The following GRID2 variants were observed in gnomAD, a reference collection of about 807,000 sequenced individuals.
The protein encoded by GRID2 is glutamate ionotropic receptor delta type subunit 2.
Under a neutral mutation model 114.8 loss-of-function variants are expected in GRID2, and 33 were observed. The ratio of observed to expected loss-of-function variants is 0.29; its 90% CI spans 0.22 to 0.38. The LOEUF is 0.38. Among genes scored for constraint, GRID2 ranks in the 10% least tolerant of loss-of-function variants. GRID2 has a pLI of 1.00. For synonymous variants in GRID2, 505 were observed against 449.9 expected, an observed-to-expected ratio of 1.12 and a Z score of -1.55; for missense variants, 1,184 against 1,257.7, an observed-to-expected ratio of 0.94 and a Z score of 0.89.
At chr4:93,761,202 A>G (rs1733178082) in intron 14 of GRID2, among the ~76,000 whole-genome samples, 1 of 152,232 alleles carries the variant, frequency 6.6e-6, no homozygotes, top group South Asian at 2.1e-4. Context: ...GTTAATACAT[A>G]TTAATACACT....
At chr4:93,604,692 C>A (rs994727983) in intron 13 of GRID2, among the ~76,000 whole-genome samples, 5 of 152,198 alleles carry the variant, frequency 3.3e-5, no homozygotes, top group Non-Finnish European at 7.3e-5. Context: ...AAAACTGCCA[C>A]AGACACTCCA....
chr4:93,723,391 C>T (rs1336602904), intron 14 of GRID2, among the ~76,000 whole-genome samples: 1 of 152,142 alleles, frequency 6.6e-6, no homozygotes, highest in Non-Finnish European at 1.5e-5. Context: ...CTGCATTTTA[C>T]AGACACAGGC....
chr4:92,800,267 G>A (rs1451771983), intron 2 of GRID2, among the ~76,000 whole-genome samples: 1 of 151,616 alleles, frequency 6.6e-6, no homozygotes, highest in East Asian at 2.0e-4. Context: ...GGAAATGTCA[G>A]TAACAAAGAC....
rs138781939 is a variant in GRID2 at position 92,424,637 on chromosome 4, T to C, written c.88+119893T>C. The stretch of plus-strand genomic sequence containing the variant: ...AAAATTTACAAAACCCTCAGTGTAA[T>C]GAATATGAGAAATAAAAATCTCAAC... On this transcript the variant is annotated intron_variant, in intron 1 of 15. Transcript: ENST00000282020. Among the ~76,000 whole-genome samples, 481 of 151,748 alleles carry C rather than the reference T, an allele frequency of 3.2e-3. 3 individuals are homozygous for C. Among genetic ancestry groups the C allele is most frequent in the African/African-American group, 0.011 (444 of 41,422 alleles).
intron 1 of GRID2, among the ~76,000 whole-genome samples, chr4:92,550,558 T>G (rs1444994735): frequency 6.6e-6 from 1 of 152,158 alleles, no homozygotes; most frequent in African/African-American, 2.4e-5. Flanking sequence ...TATTAATGAT[T>G]GTTTACTCTA....
chr4:93,122,432 C>T (rs970109982), intron 4 of GRID2, among the ~76,000 whole-genome samples: 2 of 152,058 alleles, frequency 1.3e-5, no homozygotes, highest in African/African-American at 4.8e-5. Context: ...TGTACTGCAT[C>T]CTATTGCTAT....
At chr4:92,425,832 C>G (rs985855197) in intron 1 of GRID2, among the ~76,000 whole-genome samples, 1 of 152,094 alleles carries the variant, frequency 6.6e-6, no homozygotes, top group Non-Finnish European at 1.5e-5. Context: ...AACTAACTTA[C>G]AAGGTGGTTA....
intron 2 of GRID2, among the ~76,000 whole-genome samples, chr4:92,992,895 G>A (rs150920962): frequency 4.0e-5 from 6 of 151,830 alleles, no homozygotes; most frequent in Non-Finnish European, 7.4e-5. Context: ...ACCTCTTTGC[G>A]TTGGAAATCT....
Position 93,455,906 on chromosome 4 carries a change from T to C in GRID2, c.1790T>C (p.Met597Thr). ...LNWLNPPRLQMGSMTSTTLYN... is the reference protein window; with the variant it reads ...LNWLNPPRLQTGSMTSTTLYN... ...TGGCTTAATCCCCCACGATTACAAA[T>C]GGGATCAATGACGTCTACTACTCTC... The change falls in exon 11 of 16, where the codon ATG becomes ACG. Residue 597 changes from methionine (M) to threonine (T), a missense_variant. Around this residue, in one of 3 missense-constraint regions of GRID2, gnomAD observed 717 missense variants for 796.9 expected, o/e 0.90. Transcript: ENST00000282020. The C allele has an allele frequency of 6.2e-7, 1 of 1,611,648 alleles. No homozygotes were observed. The highest frequency in any genetic ancestry group is 1.7e-4 in the Middle Eastern group (1 of 6,054).
intron 14 of GRID2, among the ~76,000 whole-genome samples, chr4:93,711,736 T>C (rs1728495647): frequency 6.6e-6 from 1 of 152,200 alleles, no homozygotes; most frequent in African/African-American, 2.4e-5. Flanking sequence ...AAGCACACAT[T>C]CTCCATCTGC....
chr4:92,331,458 T>C (rs1726886582), intron 1 of GRID2, among the ~76,000 whole-genome samples: 1 of 152,152 alleles, frequency 6.6e-6, no homozygotes, highest in African/African-American at 2.4e-5. Flanking sequence ...GCTGCTCCCA[T>C]GAGGAATGGC....
At chr4:92,587,228 C>T (rs981575203) in intron 1 of GRID2, among the ~76,000 whole-genome samples, 3 of 151,136 alleles carry the variant, frequency 2.0e-5, no homozygotes, top group African/African-American at 7.3e-5. Flanking sequence ...TAAAATCATG[C>T]TAATAAAAAT....
At chr4:92,740,705 TAGATA>T (rs1736841236) in intron 2 of GRID2, among the ~76,000 whole-genome samples, 1 of 78,078 alleles carries the variant, frequency 1.3e-5, no homozygotes, top group Non-Finnish European at 2.9e-5. Context: ...GATAGATAGA[TAGATA>T]GATAGATAGA....
chr4:93,734,770 T>A (rs529817783), intron 14 of GRID2, among the ~76,000 whole-genome samples: 2 of 152,100 alleles, frequency 1.3e-5, no homozygotes, highest in East Asian at 1.9e-4. Context: ...TTATTTAAAA[T>A]TTTTTAAGGC....
Position 92,345,226 on chromosome 4 carries a change from C to T in GRID2, c.88+40482C>T, listed in dbSNP as rs568197727. Among the ~76,000 whole-genome samples the T allele has an allele frequency of 9.2e-5, 14 of 152,178 alleles. No individual in the cohort carries two copies. In the East Asian group the frequency reaches 1.9e-3, roughly 21 times the overall value. On this transcript the variant is annotated intron_variant, in intron 1 of 15. Coordinates refer to ENST00000282020, the MANE Select transcript of GRID2 (RefSeq NM_001510.4). ...CATGTGATGTTTGGTTTTCCATACC[C>T]GAGCTACTTCACTTAGAATAATAGC...
intron 1 of GRID2, among the ~76,000 whole-genome samples, chr4:92,411,651 G>GTATATATA (rs1365702947): frequency 0.016 from 1,507 of 95,920 alleles, 10 homozygotes; most frequent in Non-Finnish European, 0.019. Flanking sequence ...GTGTGTGTGT[G>GTATATATA]TGTGTATATA....
rs145239992 is a variant in GRID2, at chr4:92,575,843, C to T, written c.89-14288C>T. On this transcript the variant is annotated intron_variant, in intron 1 of 15. Transcript: ENST00000282020. ...GGCCACCCCCGTTGTTCTCCAGACA[C>T]TCCCTCCCAGAGAGAAATTAGAACT... Among the ~76,000 whole-genome samples, 242 of 152,370 alleles carry T rather than the reference C, an allele frequency of 1.6e-3. 1 individual carries two copies. Among genetic ancestry groups the T allele is most frequent in the African/African-American group, 5.4e-3 (224 of 41,606 alleles).
At chr4:92,656,642 A>G (rs952115399) in intron 2 of GRID2, among the ~76,000 whole-genome samples, 3 of 151,722 alleles carry the variant, frequency 2.0e-5, no homozygotes, top group Non-Finnish European at 4.4e-5. Flanking sequence ...AATACCACAT[A>G]TGACTCTAAA....
intron 1 of GRID2, among the ~76,000 whole-genome samples, chr4:92,323,264 G>A (rs1006749714): frequency 6.6e-6 from 1 of 151,896 alleles, no homozygotes; most frequent in Non-Finnish European, 1.5e-5. Flanking sequence ...TAGCCTTAAC[G>A]GTTAAGGTTT....
Sources: gnomAD v4.1 joint callset for allele counts (sites outside exome capture counted in the v4.1 genomes callset) on GRCh38, gnomAD v4.1.1 for gene constraint, gnomAD v4.1.1 regional missense constraint, MANE v1.5 for transcripts, NCBI Gene and HGNC (gene_info 2026-07-23, HGNC 2026-07-21) for gene names.